The following BARHL1 variants were observed in gnomAD, a reference collection of about 807,000 sequenced individuals.
BARHL1 encodes barH-like 1 homeobox protein.
Under a neutral mutation model 20.1 loss-of-function variants are expected in BARHL1, and 2 were observed. The observed-to-expected ratio is 0.10, with a 90% CI of 0.04 to 0.31. BARHL1 has a LOEUF of 0.31. BARHL1 is among the 10% of genes least tolerant of loss of function. The probability of loss-of-function intolerance (pLI) is 1.00; values close to 1 mark genes in which losing one functional copy is unlikely to be tolerated. For synonymous variants in BARHL1, 213 were observed against 209.9 expected, an observed-to-expected ratio of 1.01 and a Z score of -0.13; for missense variants, 397 against 454.0, an observed-to-expected ratio of 0.87 and a Z score of 1.14.
intron 2 of BARHL1, among the ~76,000 whole-genome samples, chr9:132,588,261 A>G (rs1372582154): frequency 2.6e-5 from 4 of 152,174 alleles, no homozygotes; most frequent in African/African-American, 7.2e-5. Flanking sequence ...ACACACATCA[A>G]TACAACTTGC....
intron 1 of BARHL1, among the ~76,000 whole-genome samples, chr9:132,585,261 C>T (rs1301873242): frequency 6.6e-6 from 1 of 152,116 alleles, no homozygotes; most frequent in Admixed American, 6.5e-5. Context: ...CAGGGTCAGG[C>T]AGCGAGGCCT....
At chr9:132,583,506 C>T (rs1830098541) in intron 1 of BARHL1, among the ~76,000 whole-genome samples, 1 of 152,162 alleles carries the variant, frequency 6.6e-6, no homozygotes, top group African/African-American at 2.4e-5. Flanking sequence ...GGAGATTTCC[C>T]CAAAATGCAC....
chr9:132,589,402 T>C lies in BARHL1; in HGVS notation c.864T>C (p.Pro288=). ...YLYRGPSAPP[P]ALQRPLVPRI... Reference sequence around the variant, plus strand: ...ACCGCGGCCCCAGCGCGCCGCCGCCTGCTCTCCAGAGACCTCTGGTGCCCC... The same window carrying C: ...ACCGCGGCCCCAGCGCGCCGCCGCCCGCTCTCCAGAGACCTCTGGTGCCCC... Residue 288 remains proline (P), a synonymous_variant, in exon 3 of 3, where the codon CCT becomes CCC. Coordinates refer to ENST00000263610, the MANE Select transcript of BARHL1 (RefSeq NM_020064.4). The C allele has an allele frequency of 1.2e-6, 2 of 1,612,246 alleles. No homozygotes were observed. Among genetic ancestry groups the C allele is most frequent in the Non-Finnish European group, 1.7e-6 (2 of 1,179,646 alleles).
At position 132,587,572 on chromosome 9, in the gene BARHL1, T is replaced by G. The variant is rs1589938654; in HGVS notation, c.689+21T>G. ...CGCAGGTGAGGCCTGGCTGCGGGGG[T>G]AGAGGCAGAAAGGGAACTTCCCCTT... On this transcript the variant is annotated intron_variant, in intron 2 of 2. Coordinates refer to ENST00000263610, the MANE Select transcript of BARHL1 (RefSeq NM_020064.4). This position sits in a 1 kb window ranked among gnomAD's most constrained non-coding sequence, Gnocchi z 5.5. 6.3e-7 allele frequency: 1 copy of G among 1,587,830 alleles called. No individual in the cohort carries two copies. Among genetic ancestry groups the G allele is most frequent in the Non-Finnish European group, 8.6e-7 (1 of 1,166,180 alleles).
rs771277937 is a variant in BARHL1 at position 132,582,895 on chromosome 9, G to A, written c.98G>A (p.Arg33His). The change falls in exon 1 of 3, where the codon CGT (arginine) becomes CAT (histidine). Residue 33 changes from arginine (R) to histidine (H), a missense_variant. Transcript: ENST00000263610. ...GGGGACCCCTTGCTCGGGGACTGCC[G>A]TTCGCCCCTGGAGCTGAGTCCACGC... The part of the protein sequence containing the change: ...PKGDPLLGDC[R>H]SPLELSPRSE... 11 of 1,613,276 alleles carry A rather than the reference G, an allele frequency of 6.8e-6. 1 individual carries two copies. In the Admixed American group the frequency reaches 1.2e-4, roughly 17 times the overall value.
chr9:132,589,131 C>CT (rs1473704813), intron 2 of BARHL1, 97 bp from the exon 3 acceptor site: 2 of 1,498,276 alleles, frequency 1.3e-6, no homozygotes, highest in Admixed American at 4.6e-5. Context: ...CCCTCTTGGC[C>CT]TCCCTACAGG....
rs765727773 is a variant in BARHL1 at position 132,587,408 on chromosome 9, C to A, written c.546C>A (p.Arg182=). The A allele has an allele frequency of 1.2e-6, 2 of 1,612,596 alleles. No individual in the cohort carries two copies. Among genetic ancestry groups the A allele is most frequent in the Non-Finnish European group, 8.5e-7 (1 of 1,179,736 alleles). The change falls in exon 2 of 3, where the codon CGC becomes CGA. Residue 182 remains arginine, a synonymous_variant. Transcript: ENST00000263610. The surrounding 1 kb of genome is among the most constrained non-coding windows in gnomAD (Gnocchi z 5.5). Reference sequence around the variant, plus strand: ...GCCTGAAAAAGCCACGCAAGGCGCGCACGGCCTTCACCGACCATCAGCTGG... The same window carrying A: ...GCCTGAAAAAGCCACGCAAGGCGCGAACGGCCTTCACCGACCATCAGCTGG... The part of the protein sequence containing the change: ...PVRLKKPRKA[R]TAFTDHQLAQ...
chr9:132,588,625 G>T (rs1322265274), intron 2 of BARHL1, among the ~76,000 whole-genome samples: 2 of 152,016 alleles, frequency 1.3e-5, no homozygotes, highest in Non-Finnish European at 2.9e-5. Context: ...ACAGTGCGCA[G>T]GGCTCGCAGT....
chr9:132,584,057 GTTGT>G (rs1189693206), intron 1 of BARHL1, among the ~76,000 whole-genome samples: 1 of 151,624 alleles, frequency 6.6e-6, no homozygotes, highest in African/African-American at 2.4e-5. Context: ...AATCTTCGTT[GTTGT>G]TTGTTCCATT....
intron 1 of BARHL1, among the ~76,000 whole-genome samples, chr9:132,584,017 T>C (rs751517186): frequency 9.9e-5 from 15 of 152,208 alleles, no homozygotes; most frequent in Non-Finnish European, 1.8e-4. Context: ...CTGGGGTTGT[T>C]GCCCCTCCAC....
chr9:132,586,988 C>A (rs1830150976), intron 1 of BARHL1, among the ~76,000 whole-genome samples: 1 of 152,250 alleles, frequency 6.6e-6, no homozygotes, highest in African/African-American at 2.4e-5. Flanking sequence ...CAGGCTGGGT[C>A]CGGTTCCATC....
rs145113690 is a variant in BARHL1, at chr9:132,583,052, C to G, written c.255C>G (p.Ala85=). 1.7e-4 allele frequency: 278 copies of G among 1,613,892 alleles called. No homozygotes were observed. Among genetic ancestry groups the G allele is most frequent in the Admixed American group, 3.0e-4 (18 of 60,034 alleles). Residue 85 remains alanine (A), a synonymous_variant, in exon 1 of 3, where the codon GCC becomes GCG. Coordinates refer to ENST00000263610, the MANE Select transcript of BARHL1 (RefSeq NM_020064.4). ...ACCTGCAGCCCGGGCAGCTCTCAGC[C>G]CCGGCCCAGTCGCGCACCGTCACCT... is the stretch of plus-strand genomic sequence containing the variant. The part of the protein sequence containing the change: ...DSHLQPGQLS[A]PAQSRTVTSS...
rs1830151350 is a variant in BARHL1, at chr9:132,587,026, A to G, written c.467-303A>G. Reference sequence around the variant, plus strand: ...CGCGGCTCCGTTTATCCCTCCAGGGAGCGCGGGCAGAGCGCCGAGCGCGGC... The same window carrying G: ...CGCGGCTCCGTTTATCCCTCCAGGGGGCGCGGGCAGAGCGCCGAGCGCGGC... On this transcript the variant is annotated intron_variant, in intron 1 of 2. Coordinates refer to ENST00000263610, the MANE Select transcript of BARHL1 (RefSeq NM_020064.4). The surrounding 1 kb of genome is among the most constrained non-coding windows in gnomAD (Gnocchi z 5.5). Among the ~76,000 whole-genome samples the G allele has an allele frequency of 6.6e-6, 1 of 152,172 alleles. No homozygotes were observed. The highest frequency in any genetic ancestry group is 6.5e-5 in the Admixed American group (1 of 15,278).
At chr9:132,585,973 C>T (rs1395500639) in intron 1 of BARHL1, among the ~76,000 whole-genome samples, 1 of 152,210 alleles carries the variant, frequency 6.6e-6, no homozygotes, top group Non-Finnish European at 1.5e-5. Flanking sequence ...AACTCAAGTC[C>T]CCCTATTCCA....
rs1830186278 is a variant in BARHL1, at chr9:132,589,661, C to G, written c.*139C>G. 1 of 1,151,530 alleles carries G rather than the reference C, an allele frequency of 8.7e-7. No individual in the cohort carries two copies. The highest frequency in any genetic ancestry group is 1.6e-5 in the African/African-American group (1 of 61,894). 71.3% of individuals were successfully genotyped at this position (1,151,530 alleles called of 1,614,324 possible). ...TCCCTGGCGCCCCAGCCCAGTGCCC[C>G]CCGAAGGGCCAAATGCCAAGTCCAC... On this transcript the variant is annotated 3_prime_UTR_variant, in exon 3 of 3. Transcript: ENST00000263610.
At chr9:132,586,965 T>A (rs986266493) in intron 1 of BARHL1, among the ~76,000 whole-genome samples, 1 of 152,240 alleles carries the variant, frequency 6.6e-6, no homozygotes, top group Non-Finnish European at 1.5e-5. Flanking sequence ...CTGGGTCCCT[T>A]CCCCTACGCT....
In BARHL1 at chr9:132,587,136, G is replaced by A. The variant is rs1830152709; in HGVS notation, c.467-193G>A. ...CTCGGCCTCGGGCGCTCCCGCCGCC[G>A]TCCTGTTCCCCTCAGGGTTCATGTC... On this transcript the variant is annotated intron_variant, in intron 1 of 2. Coordinates refer to ENST00000263610, the MANE Select transcript of BARHL1 (RefSeq NM_020064.4). The surrounding 1 kb of genome is among the most constrained non-coding windows in gnomAD (Gnocchi z 5.5). Among the ~76,000 whole-genome samples, 1 of 152,230 alleles carries A rather than the reference G, an allele frequency of 6.6e-6. No individual in the cohort carries two copies. Among genetic ancestry groups the A allele is most frequent in the Admixed American group, 6.5e-5 (1 of 15,292 alleles).
chr9:132,587,298 G>A lies in BARHL1; in HGVS notation c.467-31G>A. ...GGAGGGCACCGGCGGCGGCTGCGAGGCCGGGCCCTGACATGCCGCTGTGTC... is the reference window on the plus strand; with the variant it reads ...GGAGGGCACCGGCGGCGGCTGCGAGACCGGGCCCTGACATGCCGCTGTGTC... On this transcript the variant is annotated intron_variant, in intron 1 of 2. Transcript: ENST00000263610. This position sits in a 1 kb window ranked among gnomAD's most constrained non-coding sequence, Gnocchi z 5.5. 6.4e-7 allele frequency: 1 copy of A among 1,558,664 alleles called. No individual in the cohort carries two copies. The highest frequency in any genetic ancestry group is 8.7e-7 in the Non-Finnish European group (1 of 1,152,486).
rs1051362059 is a variant in BARHL1, at chr9:132,587,859, G to T, written c.689+308G>T. 3.9e-5 allele frequency among the ~76,000 whole-genome samples: 6 copies of T among 152,196 alleles called. No homozygotes were observed. Among genetic ancestry groups the T allele is most frequent in the African/African-American group, 1.4e-4 (6 of 41,456 alleles). ...GCTCAGCCGGAGTGGGGGGAGGTCT[G>T]CCTGGAGCCCCCACCTGAGCCAGCG... is the stretch of plus-strand genomic sequence containing the variant. On this transcript the variant is annotated intron_variant, in intron 2 of 2. Transcript: ENST00000263610. This position sits in a 1 kb window ranked among gnomAD's most constrained non-coding sequence, Gnocchi z 5.5.
Sources: allele counts gnomAD v4.1 joint callset (sites outside exome capture counted in the v4.1 genomes callset), GRCh38; gene constraint gnomAD v4.1.1; non-coding constraint Gnocchi (gnomAD v3.1); transcripts MANE v1.5; gene names NCBI Gene and HGNC (gene_info 2026-07-23, HGNC 2026-07-21).